NCOA1: variants seen among roughly 807,000 people sequenced by gnomAD.
NCOA1 encodes the protein Hin-2 protein.
In NCOA1, 35 loss-of-function variants were observed where a neutral mutation model predicts 150.9. The observed-to-expected ratio is 0.23, with a 90% CI of 0.18 to 0.31. The LOEUF (loss-of-function observed/expected upper bound fraction) is 0.31. Ranked by LOEUF, NCOA1 falls within the 10% of genes least tolerant of loss-of-function variation. The pLI is 1.00. For synonymous variants in NCOA1, 590 were observed against 630.0 expected (o/e 0.94, Z 0.95); for missense variants, 1,491 against 1,749.3 (o/e 0.85, Z 2.63).
At chr2:24,733,296 T>A (rs1663113271) in intron 17 of NCOA1, among the ~76,000 whole-genome samples, 2 of 152,216 alleles carry the variant, frequency 1.3e-5, no homozygotes, top group South Asian at 4.1e-4. Context: ...ACAGGTTGTA[T>A]TTTTTGTGTC....
intron 3 of NCOA1, among the ~76,000 whole-genome samples, chr2:24,601,479 T>G (rs1245387282): frequency 6.6e-6 from 1 of 152,180 alleles, no homozygotes; most frequent in Non-Finnish European, 1.5e-5. Flanking sequence ...CCTCCCAAAG[T>G]GCTGGGATTA....
rs1378125649 is a variant in NCOA1, at chr2:24,768,666, T to C, written c.*275T>C. ...CTATTTCTTGAGCCAAATTTAATTA[T>C]TCTTATTTTTGTAATCAGTCATTGG... On this transcript the variant is annotated 3_prime_UTR_variant, in exon 23 of 23. Coordinates refer to ENST00000348332, the MANE Select transcript of NCOA1 (RefSeq NM_003743.5). 1 of 260,992 alleles carries C rather than the reference T, an allele frequency of 3.8e-6. No homozygotes were observed. Among genetic ancestry groups the C allele is most frequent in the Admixed American group, 5.2e-5 (1 of 19,110 alleles). The allele number at this position is 260,992 out of a possible 1,614,324, so 16.2% of individuals were successfully genotyped here.
intron 1 of NCOA1, among the ~76,000 whole-genome samples, chr2:24,532,484 T>C (rs774582996): frequency 1.3e-5 from 2 of 152,218 alleles, no homozygotes; most frequent in African/African-American, 2.4e-5. Flanking sequence ...ATTTTGGCTT[T>C]TGTTGCCATT....
intron 4 of NCOA1, among the ~76,000 whole-genome samples, chr2:24,656,174 G>A (rs1670942453): frequency 6.6e-6 from 1 of 151,782 alleles, no homozygotes; most frequent in Non-Finnish European, 1.5e-5. Context: ...AATGACTGCA[G>A]TGTACCAACT....
chr2:24,707,168 A>C lies in NCOA1; in HGVS notation c.1698A>C (p.Ser566=). Residue 566 remains serine, a synonymous_variant, in exon 13 of 23, where the codon TCA becomes TCC. Transcript: ENST00000348332. ...CTCCAGTCCTCAGGCAGATGAGCTCACAGAATTCACCTAGCAGATTAAATA... is the reference window on the plus strand; with the variant it reads ...CTCCAGTCCTCAGGCAGATGAGCTCCCAGAATTCACCTAGCAGATTAAATA... The part of the protein sequence containing the change: ...ASSPVLRQMS[S]QNSPSRLNIQ... 1 of 1,614,220 alleles carries C rather than the reference A, an allele frequency of 6.2e-7. No individual in the cohort carries two copies. Among genetic ancestry groups the C allele is most frequent in the Non-Finnish European group, 8.5e-7 (1 of 1,180,040 alleles).
intron 3 of NCOA1, among the ~76,000 whole-genome samples, chr2:24,594,527 G>C (rs552579261): frequency 1.3e-5 from 2 of 152,184 alleles, no homozygotes; most frequent in East Asian, 3.9e-4. Flanking sequence ...AATCCTAGGA[G>C]AAATTTGCAC....
At chr2:24,631,214 A>G (rs1051248304) in intron 3 of NCOA1, among the ~76,000 whole-genome samples, 7 of 152,210 alleles carry the variant, frequency 4.6e-5, no homozygotes, top group African/African-American at 1.2e-4. Context: ...AAAATAATTT[A>G]TAATTGCCAT....
At chr2:24,764,306 A>G (rs1664940437) in intron 22 of NCOA1, among the ~76,000 whole-genome samples, 1 of 152,230 alleles carries the variant, frequency 6.6e-6, no homozygotes, top group Admixed American at 6.5e-5. Context: ...TGAAAGATAA[A>G]ACACATCAAT....
intron 13 of NCOA1, 31 bp from the exon 14 acceptor site, chr2:24,710,900 T>G: frequency 6.2e-7 from 1 of 1,602,710 alleles, no homozygotes; most frequent in Non-Finnish European, 8.5e-7. Flanking sequence ...GTGTAAAATA[T>G]ATTTCCTCTA....
chr2:24,679,845 C>T (rs946576126), intron 7 of NCOA1, among the ~76,000 whole-genome samples: 1 of 151,994 alleles, frequency 6.6e-6, no homozygotes, highest in Non-Finnish European at 1.5e-5. Flanking sequence ...AAGTAAGTCA[C>T]GGCGATCGGG....
At chr2:24,537,933 T>C (rs1665235625) in intron 1 of NCOA1, among the ~76,000 whole-genome samples, 1 of 152,186 alleles carries the variant, frequency 6.6e-6, no homozygotes, top group Non-Finnish European at 1.5e-5. Flanking sequence ...ACTTTTTGTG[T>C]CTAAGAAGGG....
intron 2 of NCOA1, among the ~76,000 whole-genome samples, chr2:24,571,885 T>C (rs897729881): frequency 3.3e-5 from 5 of 152,174 alleles, no homozygotes; most frequent in Non-Finnish European, 7.4e-5. Flanking sequence ...TCTCCTGATC[T>C]GTAAGCAGTT....
At chr2:24,658,818 A>C in intron 5 of NCOA1, 52 bp downstream of exon 5, 1 of 1,500,294 alleles carries the variant, frequency 6.7e-7, no homozygotes. Context: ...TATTACTTTC[A>C]CTGCCACTTC....
rs1314537418 is a variant in NCOA1, at chr2:24,491,360, T to G, written c.-638T>G. 1.4e-5 allele frequency among the ~76,000 whole-genome samples: 2 copies of G among 147,952 alleles called. No individual in the cohort carries two copies. Among genetic ancestry groups the G allele is most frequent in the African/African-American group, 2.4e-5 (1 of 41,026 alleles). ...GAGTCTGACGCGATTTGCTGAGCTC[T>G]GTCCTCCGACGGCTGCCTCGCGGCC... On this transcript the variant is annotated 5_prime_UTR_variant, in exon 1 of 23. Transcript: ENST00000348332.
intron 8 of NCOA1, among the ~76,000 whole-genome samples, chr2:24,689,369 A>G (rs116288783): frequency 0.014 from 2,123 of 151,972 alleles, 50 homozygotes; most frequent in African/African-American, 0.049. Context: ...ATGTTTTTCT[A>G]TGTGTTTGTG....
At chr2:24,690,097 TA>T (rs1672592256) in intron 8 of NCOA1, among the ~76,000 whole-genome samples, 2 of 152,232 alleles carry the variant, frequency 1.3e-5, no homozygotes. Context: ...AGTATCAAGG[TA>T]TCTTATGTAT....
Position 24,491,617 on chromosome 2 carries a change from G to T in NCOA1, c.-396+15G>T, listed in dbSNP as rs1662961905. ...GGCGGCGGCAGGTGAGTGGCGGGCTGCGGGTGCGGAGCCTCCCGGTGGGTG... is the reference window on the plus strand; with the variant it reads ...GGCGGCGGCAGGTGAGTGGCGGGCTTCGGGTGCGGAGCCTCCCGGTGGGTG... On this transcript the variant is annotated intron_variant, in intron 1 of 22. Coordinates refer to ENST00000348332, the MANE Select transcript of NCOA1 (RefSeq NM_003743.5). Among the ~76,000 whole-genome samples, 1 of 150,122 alleles carries T rather than the reference G, an allele frequency of 6.7e-6. No individual in the cohort carries two copies. Among genetic ancestry groups the T allele is most frequent in the African/African-American group, 2.4e-5 (1 of 41,232 alleles).
chr2:24,577,762 T>C (rs1389830529), intron 2 of NCOA1, among the ~76,000 whole-genome samples: 1 of 152,216 alleles, frequency 6.6e-6, no homozygotes, highest in Non-Finnish European at 1.5e-5. Flanking sequence ...AATTCTATGA[T>C]CTGTTTTGAG....
chr2:24,554,209 G>A (rs1665976718), intron 1 of NCOA1, among the ~76,000 whole-genome samples: 1 of 151,804 alleles, frequency 6.6e-6, no homozygotes, highest in Non-Finnish European at 1.5e-5. Context: ...AAATTGCTTT[G>A]TATTTAATTT....
Sources: allele counts gnomAD v4.1 joint callset (sites outside exome capture counted in the v4.1 genomes callset), GRCh38; gene constraint gnomAD v4.1.1; transcripts MANE v1.5; gene names NCBI Gene and HGNC (gene_info 2026-07-23, HGNC 2026-07-21).